The following RAPGEF1 variants were observed in gnomAD, a reference collection of about 807,000 sequenced individuals.
RAPGEF1 encodes the protein CRK SH3-binding GNRP.
In RAPGEF1, 33 loss-of-function variants were observed where a neutral mutation model predicts 143.3. The ratio of observed to expected loss-of-function variants is 0.23; its 90% confidence interval spans 0.17 to 0.31. The LOEUF is 0.31. Among genes scored for constraint, RAPGEF1 ranks in the 10% least tolerant of loss-of-function variants. RAPGEF1 has a pLI of 1.00. For missense variants in RAPGEF1, 1,199 were observed against 1,645.4 expected (o/e 0.73, Z 4.69); for synonymous variants, 629 against 676.5 (o/e 0.93, Z 1.09).
chr9:131,729,806 GCTC>G (rs1836908472), intron 1 of RAPGEF1, among the ~76,000 whole-genome samples: 2 of 152,158 alleles, frequency 1.3e-5, no homozygotes, highest in African/African-American at 4.8e-5. Flanking sequence ...TGAAGGTAAA[GCTC>G]CTAGCATCGT....
At position 131,579,513 on chromosome 9, in the gene RAPGEF1, C is replaced by T. The variant is rs34330901; in HGVS notation, c.3776G>A (p.Arg1259Gln). 3.8e-5 allele frequency: 61 copies of T among 1,613,874 alleles called. No homozygotes were observed. In the African/African-American group the frequency reaches 6.3e-4, roughly 17 times the overall value. Reference sequence around the variant, plus strand: ...CGTCTGCTCCTAGGTCTTCTCTTCCCGGTCTGTTTTTCTCCTTGTTATGTT... The same window carrying T: ...CGTCTGCTCCTAGGTCTTCTCTTCCTGGTCTGTTTTTCTCCTTGTTATGTT... ...PRNITRRKTD[R>Q]EEKT Residue 1259 changes from arginine to glutamine, a missense_variant, in exon 27 of 27, where the codon CGG becomes CAG. By Grantham distance (43) the Arg-to-Gln change is conservative (BLOSUM62 1). Transcript: ENST00000683357.
intron 25 of RAPGEF1, among the ~76,000 whole-genome samples, chr9:131,580,704 T>TA (rs1176180627): frequency 0.017 from 2,464 of 143,272 alleles, 55 homozygotes; most frequent in African/African-American, 0.057. Context: ...AAATGAGCAG[T>TA]AAAAAAAAAA....
chr9:131,629,025 A>AG (rs1964115890), intron 7 of RAPGEF1, 77 bp downstream of exon 7: 2 of 1,537,788 alleles, frequency 1.3e-6, no homozygotes, highest in Non-Finnish European at 1.8e-6. Flanking sequence ...CTGAGGGGAA[A>AG]GGGCCCGAGC....
chr9:131,642,579 C>T (rs2133306519), intron 4 of RAPGEF1, among the ~76,000 whole-genome samples: 1 of 152,354 alleles, frequency 6.6e-6, no homozygotes, highest in South Asian at 2.1e-4. Context: ...TTAAAGCTCC[C>T]TGCAGGAGGC....
intron 19 of RAPGEF1, among the ~76,000 whole-genome samples, chr9:131,589,480 T>C (rs1348455156): frequency 6.6e-6 from 1 of 152,240 alleles, no homozygotes; most frequent in Non-Finnish European, 1.5e-5. Context: ...GGAACGGATA[T>C]GGCCAAGTGC....
chr9:131,739,404 G>A (rs982450757), intron 1 of RAPGEF1, among the ~76,000 whole-genome samples: 1 of 152,186 alleles, frequency 6.6e-6, no homozygotes, highest in African/African-American at 2.4e-5. Flanking sequence ...GCCGAGCCCA[G>A]GCCGGGCACC....
chr9:131,624,865 G>GAGGC (rs1962465858), intron 10 of RAPGEF1, among the ~76,000 whole-genome samples: 1 of 152,236 alleles, frequency 6.6e-6, no homozygotes, highest in African/African-American at 2.4e-5. Flanking sequence ...CCACACTGCT[G>GAGGC]AGGCCATCAC....
At position 131,700,468 on chromosome 9, in the gene RAPGEF1, A is replaced by T. The variant is rs1193741952; in HGVS notation, c.61+39302T>A. Among the ~76,000 whole-genome samples the T allele has an allele frequency of 2.0e-5, 3 of 152,196 alleles. No individual in the cohort carries two copies. In the East Asian group the frequency reaches 5.8e-4, roughly 29 times the overall value. ...CTACATATTATACTTGTTCATATGT[A>T]AACTAAAAACTCCAGAGGGCAGAGA... is the stretch of plus-strand genomic sequence containing the variant. On this transcript the variant is annotated intron_variant, in intron 1 of 26. Coordinates refer to ENST00000683357, the MANE Select transcript of RAPGEF1 (RefSeq NM_001377935.1).
chr9:131,600,790 A>G (rs7024437), intron 15 of RAPGEF1, among the ~76,000 whole-genome samples: 127,183 of 152,116 alleles, frequency 0.84, 53,268 homozygotes, highest in African/African-American at 0.87. Flanking sequence ...CCTACACATC[A>G]TATTTCACAG....
At chr9:131,599,251 A>G (rs1955851948) in intron 15 of RAPGEF1, among the ~76,000 whole-genome samples, 1 of 151,916 alleles carries the variant, frequency 6.6e-6, no homozygotes, top group Admixed American at 6.6e-5. Flanking sequence ...TAGTCTCCCA[A>G]GTAGCGAGGA....
rs756837905 is a variant in RAPGEF1 at position 131,628,540 on chromosome 9, C to T, written c.1017+9G>A. On this transcript the variant is annotated intron_variant, in intron 8 of 26. Coordinates refer to ENST00000683357, the MANE Select transcript of RAPGEF1 (RefSeq NM_001377935.1). This position sits in a 1 kb window ranked among gnomAD's most constrained non-coding sequence, Gnocchi z 5.7. The stretch of plus-strand genomic sequence containing the variant: ...TGCCTTCCCATGCAGGGAACAGGGG[C>T]TGCATTACCTGCCTATTGATTCCAA... 1 of 1,612,074 alleles carries T rather than the reference C, an allele frequency of 6.2e-7. No homozygotes were observed. Among genetic ancestry groups the T allele is most frequent in the Non-Finnish European group, 8.5e-7 (1 of 1,178,402 alleles).
intron 1 of RAPGEF1, among the ~76,000 whole-genome samples, chr9:131,664,865 A>T (rs1345930815): frequency 2.6e-5 from 4 of 152,212 alleles, no homozygotes; most frequent in African/African-American, 9.6e-5. Flanking sequence ...TAAAATATTT[A>T]TACAGTTCAA....
intron 12 of RAPGEF1, among the ~76,000 whole-genome samples, chr9:131,616,312 A>C (rs921135200): frequency 2.6e-5 from 4 of 152,034 alleles, no homozygotes; most frequent in South Asian, 4.1e-4. Flanking sequence ...CTCAGACCCA[A>C]AATTAATTAA....
Position 131,630,271 on chromosome 9 carries a change from G to A in RAPGEF1, c.705C>T (p.Pro235=), listed in dbSNP as rs1340344964. The A allele has an allele frequency of 3.1e-6, 5 of 1,613,570 alleles. No individual in the cohort carries two copies. Among genetic ancestry groups the A allele is most frequent in the Admixed American group, 3.3e-5 (2 of 59,968 alleles). The change falls in exon 6 of 27, where the codon CCC becomes CCT. Residue 235 remains proline, a synonymous_variant. Transcript: ENST00000683357. ...EKQGRPSPTS[P]VKPSSPASKP... ...TGCTGGCAGGGGAACTGGGCTTCACGGGGCTCGTCGGAGACGGACGTCCCT... is the reference window on the plus strand; with the variant it reads ...TGCTGGCAGGGGAACTGGGCTTCACAGGGCTCGTCGGAGACGGACGTCCCT...
At chr9:131,697,361 A>G (rs1458175698) in intron 1 of RAPGEF1, among the ~76,000 whole-genome samples, 1 of 152,204 alleles carries the variant, frequency 6.6e-6, no homozygotes, top group Non-Finnish European at 1.5e-5. Context: ...GAGCTTGAAA[A>G]CATTTTCACT....
intron 5 of RAPGEF1, 121 bp from the exon 6 acceptor site, chr9:131,630,445 C>T: frequency 2.2e-6 from 2 of 905,738 alleles, no homozygotes; most frequent in Middle Eastern, 2.2e-4. Flanking sequence ...TACAGATTCC[C>T]CACGCACCAT....
rs545423321 is a variant in RAPGEF1, at chr9:131,687,867, C to T, written c.62-36918G>A. Among the ~76,000 whole-genome samples the T allele has an allele frequency of 9.2e-5, 14 of 152,338 alleles. 1 individual carries two copies. Among genetic ancestry groups the T allele is most frequent in the South Asian group, 2.1e-4 (1 of 4,820 alleles). The stretch of plus-strand genomic sequence containing the variant: ...AAATTAACCTGTCAATCTTGATACT[C>T]CACCATCACATGGGTCTCAATAGTT... On this transcript the variant is annotated intron_variant, in intron 1 of 26. Coordinates refer to ENST00000683357, the MANE Select transcript of RAPGEF1 (RefSeq NM_001377935.1).
intron 1 of RAPGEF1, among the ~76,000 whole-genome samples, chr9:131,719,553 CTTTTTT>C (rs34413859): frequency 1.4e-5 from 1 of 72,398 alleles, no homozygotes; most frequent in Non-Finnish European, 2.4e-5. Context: ...CCCTTCAGGG[CTTTTTT>C]TTTTTTTTTT....
At chr9:131,614,206 A>C (rs1204154436) in intron 12 of RAPGEF1, among the ~76,000 whole-genome samples, 2 of 151,944 alleles carry the variant, frequency 1.3e-5, no homozygotes, top group Non-Finnish European at 2.9e-5. Context: ...GGTTCTGCCC[A>C]CAGATGCTCC....
Sources: allele counts gnomAD v4.1 joint callset (sites outside exome capture counted in the v4.1 genomes callset), GRCh38; gene constraint gnomAD v4.1.1; non-coding constraint Gnocchi (gnomAD v3.1); transcripts MANE v1.5; gene names NCBI Gene and HGNC (gene_info 2026-07-23, HGNC 2026-07-21).